FGF14: variants seen among roughly 807,000 people sequenced by gnomAD.
FGF14 encodes fibroblast growth factor homologous factor 4.
FGF14 carries 5 observed loss-of-function variants against 25.5 expected under a neutral mutation model. The ratio of observed to expected loss-of-function variants is 0.20; its 90% confidence interval spans 0.10 to 0.41. The LOEUF is 0.41. Ranked by LOEUF, FGF14 falls within the 10% of genes least tolerant of loss-of-function variation. The pLI is 1.00. For synonymous variants in FGF14, 138 were observed against 118.3 expected (o/e 1.17, Z -1.08); for missense variants, 222 against 320.1 (o/e 0.69, Z 2.34).
Position 101,884,874 on chromosome 13 carries a change from C to T in FGF14, c.194-9578G>A, listed in dbSNP as rs564176884. On this transcript the variant is annotated intron_variant, in intron 1 of 4. Coordinates refer to ENST00000376143, the MANE Select transcript of FGF14 (RefSeq NM_004115.4). ...ACACACACAGACACATACATACACA[C>T]ACACACACACACACACACAGAGTAA... is the stretch of plus-strand genomic sequence containing the variant. Among the ~76,000 whole-genome samples the T allele has an allele frequency of 9.5e-4, 145 of 151,878 alleles. 4 individuals are homozygous for T. In the South Asian group the frequency reaches 0.03, roughly 31 times the overall value.
At position 101,947,893 on chromosome 13, in the gene FGF14, A is replaced by G. The variant is rs143417570; in HGVS notation, c.209-72597T>C. ...AAAGCAATATGTAAGAAGCAATAAT[A>G]ATATGTAGAACAATTTAATGGTAGA... On this transcript the variant is annotated intron_variant, in intron 1 of 4. Transcript: ENST00000376131. 8.5e-5 allele frequency among the ~76,000 whole-genome samples: 13 copies of G among 152,370 alleles called. No individual in the cohort carries two copies. In the East Asian group the frequency reaches 2.1e-3, roughly 25 times the overall value.
chr13:102,091,052 A>G (rs1199208064), intron 1 of FGF14, among the ~76,000 whole-genome samples: 2 of 152,236 alleles, frequency 1.3e-5, no homozygotes, highest in Non-Finnish European at 2.9e-5. Context: ...TCAATGTAAT[A>G]TGTTAATAGT....
chr13:101,816,087 G>A (rs1231564933), intron 3 of FGF14, among the ~76,000 whole-genome samples: 4 of 151,324 alleles, frequency 2.6e-5, no homozygotes. Flanking sequence ...TGGCTAACAC[G>A]GTGAAACCCC....
chr13:102,231,732 AGAG>A (rs1242595189), intron 1 of FGF14, among the ~76,000 whole-genome samples: 4 of 152,200 alleles, frequency 2.6e-5, no homozygotes, highest in Non-Finnish European at 5.9e-5. Context: ...AGTGATATCA[AGAG>A]GACAGTCTGA....
At chr13:102,266,299 AAGATGGAGTT>A (rs1280649625) in intron 1 of FGF14, among the ~76,000 whole-genome samples, 1 of 152,138 alleles carries the variant, frequency 6.6e-6, no homozygotes, top group Non-Finnish European at 1.5e-5. Flanking sequence ...AAAACTGCCA[AAGATGGAGTT>A]AGATGGAGTT....
chr13:101,749,542 G>C (rs554518197), intron 3 of FGF14, among the ~76,000 whole-genome samples: 2 of 152,118 alleles, frequency 1.3e-5, no homozygotes, highest in South Asian at 4.2e-4. Context: ...AAATTTCTAA[G>C]TATGCAAAAG....
intron 1 of FGF14, among the ~76,000 whole-genome samples, chr13:102,023,612 C>T (rs2040781288): frequency 6.6e-6 from 1 of 152,056 alleles, no homozygotes. Context: ...TTCCCTTTCC[C>T]CAGCCCCTGA....
chr13:101,857,027 C>T (rs962664070), intron 3 of FGF14, among the ~76,000 whole-genome samples: 6 of 151,964 alleles, frequency 3.9e-5, no homozygotes, highest in African/African-American at 1.2e-4. Context: ...AGTATCAACT[C>T]TTTGTCATTG....
intron 1 of FGF14, among the ~76,000 whole-genome samples, chr13:102,390,041 A>T (rs1358655849): frequency 6.6e-6 from 1 of 152,234 alleles, no homozygotes; most frequent in Non-Finnish European, 1.5e-5. Context: ...CACGTCTAAC[A>T]TGCAATGTCA....
At chr13:102,077,741 A>G (rs890569947) in intron 1 of FGF14, among the ~76,000 whole-genome samples, 2 of 152,296 alleles carry the variant, frequency 1.3e-5, no homozygotes, top group South Asian at 2.1e-4. Context: ...TCCTCAAAAA[A>G]TTAAAAATAG....
At chr13:102,296,924 C>T (rs1044819293) in intron 1 of FGF14, among the ~76,000 whole-genome samples, 1 of 152,030 alleles carries the variant, frequency 6.6e-6, no homozygotes, top group African/African-American at 2.4e-5. Context: ...AGTAAATCAC[C>T]CCAGCATAAA....
At chr13:101,949,216 C>A (rs1002449093) in intron 1 of FGF14, among the ~76,000 whole-genome samples, 1 of 152,082 alleles carries the variant, frequency 6.6e-6, no homozygotes, top group African/African-American at 2.4e-5. Context: ...GAAATCTGAC[C>A]AAAATCGAAA....
intron 1 of FGF14, among the ~76,000 whole-genome samples, chr13:101,969,220 A>C (rs2037436515): frequency 1.3e-5 from 2 of 152,186 alleles, no homozygotes; most frequent in African/African-American, 4.8e-5. Flanking sequence ...GTAAGTTACC[A>C]AATAAACAAC....
chr13:101,906,343 T>C (rs895662878), intron 1 of FGF14, among the ~76,000 whole-genome samples: 12 of 152,108 alleles, frequency 7.9e-5, no homozygotes, highest in African/African-American at 9.7e-5. Context: ...GGTTAAACAA[T>C]TGTAAGTTGG....
chr13:102,072,719 C>A (rs2043202302), intron 1 of FGF14, among the ~76,000 whole-genome samples: 1 of 152,154 alleles, frequency 6.6e-6, no homozygotes, highest in South Asian at 2.1e-4. Context: ...GCATATTATT[C>A]ATTTACGCTT....
intron 3 of FGF14, among the ~76,000 whole-genome samples, chr13:101,852,271 C>T (rs901888314): frequency 5.9e-5 from 9 of 152,000 alleles, no homozygotes; most frequent in Admixed American, 5.9e-4. Flanking sequence ...TGTACTTCAA[C>T]TTTATTCATA....
chr13:102,020,319 C>T (rs558953672), intron 1 of FGF14, among the ~76,000 whole-genome samples: 127 of 152,172 alleles, frequency 8.3e-4, no homozygotes, highest in African/African-American at 2.7e-3. Context: ...GAGGCTGAGG[C>T]GGGCAGATCA....
intron 1 of FGF14, among the ~76,000 whole-genome samples, chr13:102,031,302 G>T (rs994302280): frequency 6.6e-6 from 1 of 152,046 alleles, no homozygotes; most frequent in African/African-American, 2.4e-5. Context: ...ATAATGAGGT[G>T]AATGTAGTTT....
At chr13:101,886,017 A>G (rs938124554) in intron 1 of FGF14, among the ~76,000 whole-genome samples, 5 of 152,184 alleles carry the variant, frequency 3.3e-5, no homozygotes, top group African/African-American at 1.2e-4. Flanking sequence ...TGAAAACCAA[A>G]CAAAAACTCC....
Sources: gnomAD v4.1 joint callset for allele counts (sites outside exome capture counted in the v4.1 genomes callset) on GRCh38, gnomAD v4.1.1 for gene constraint, MANE v1.5 for transcripts, NCBI Gene and HGNC (gene_info 2026-07-23, HGNC 2026-07-21) for gene names.